Variants in OPCML observed in about 807,000 individuals in gnomAD.
OPCML encodes opioid-binding protein/cell adhesion molecule.
In OPCML, 13 loss-of-function variants were observed where a neutral mutation model predicts 37.8. That is an observed-to-expected ratio of 0.34 (90% CI 0.22 to 0.55). The LOEUF (loss-of-function observed/expected upper bound fraction) is 0.55, where lower values mean the gene tolerates loss of function less well. OPCML is among the 20% of genes least tolerant of loss of function. The pLI, the probability that OPCML is intolerant of heterozygous loss-of-function variation, is 0.91. For missense variants in OPCML, 341 were observed against 435.6 expected (o/e 0.78, Z 1.93); for synonymous variants, 176 against 168.8 (o/e 1.04, Z -0.33).
chr11:132,741,329 C>T (rs967526570), intron 2 of OPCML, among the ~76,000 whole-genome samples: 1 of 152,110 alleles, frequency 6.6e-6, no homozygotes, highest in Admixed American at 6.5e-5. Flanking sequence ...ACTCATATAC[C>T]TGAATCTTTT....
At chr11:133,352,106 G>A (rs374204576) in intron 1 of OPCML, among the ~76,000 whole-genome samples, 33 of 152,206 alleles carry the variant, frequency 2.2e-4, no homozygotes, top group South Asian at 1.5e-3. Context: ...AACTATCACC[G>A]AGGGGAATCT....
intron 3 of OPCML, among the ~76,000 whole-genome samples, chr11:132,604,759 C>G (rs1051214043): frequency 6.6e-6 from 1 of 152,116 alleles, no homozygotes; most frequent in South Asian, 2.1e-4. Context: ...GGAACAACAG[C>G]CTTTTTAATT....
chr11:133,170,647 T>G (rs1288629764), intron 1 of OPCML, among the ~76,000 whole-genome samples: 1 of 151,514 alleles, frequency 6.6e-6, no homozygotes, highest in Non-Finnish European at 1.5e-5. Context: ...TTAGTTTAAA[T>G]GCATGAGACA....
intron 1 of OPCML, among the ~76,000 whole-genome samples, chr11:133,383,930 G>A (rs1304376529): frequency 1.3e-5 from 2 of 152,082 alleles, no homozygotes; most frequent in East Asian, 1.9e-4. Flanking sequence ...AGAGAAGGGT[G>A]CAGGCTTGTC....
chr11:132,556,220 A>G (rs1181220897), intron 3 of OPCML, among the ~76,000 whole-genome samples: 1 of 152,190 alleles, frequency 6.6e-6, no homozygotes, highest in Non-Finnish European at 1.5e-5. Context: ...TGGGATCACA[A>G]GTGTGAGCCA....
intron 1 of OPCML, among the ~76,000 whole-genome samples, chr11:133,334,821 T>C (rs1464906739): frequency 6.6e-6 from 1 of 152,044 alleles, no homozygotes; most frequent in African/African-American, 2.4e-5. Flanking sequence ...TGGATCTCCA[T>C]GGGAGAGGGT....
chr11:132,518,422 G>C (rs892922903), intron 4 of OPCML, among the ~76,000 whole-genome samples: 1 of 152,120 alleles, frequency 6.6e-6, no homozygotes, highest in Non-Finnish European at 1.5e-5. Flanking sequence ...AGGGCTGTAG[G>C]CAATCTGGTC....
intron 4 of OPCML, among the ~76,000 whole-genome samples, chr11:132,495,316 G>A (rs920655055): frequency 1.3e-5 from 2 of 152,104 alleles, no homozygotes; most frequent in Admixed American, 6.6e-5. Flanking sequence ...GAATATTAAC[G>A]TTTTAAAAGA....
intron 4 of OPCML, among the ~76,000 whole-genome samples, chr11:132,488,956 G>A (rs2096208013): frequency 6.6e-6 from 1 of 152,152 alleles, no homozygotes; most frequent in South Asian, 2.1e-4. Context: ...TTTCGAGGGT[G>A]GCTCCAGGAC....
chr11:133,201,951 T>C (rs1421071091), intron 1 of OPCML, among the ~76,000 whole-genome samples: 1 of 152,236 alleles, frequency 6.6e-6, no homozygotes, highest in African/African-American at 2.4e-5. Flanking sequence ...AATCTGGTAT[T>C]GTTCAACGTG....
chr11:133,205,005 A>AATGAG lies in OPCML; in HGVS notation c.62-262000_62-261996dup, dbSNP rs1355575923. Among the ~76,000 whole-genome samples the AATGAG allele has an allele frequency of 6.6e-6, 1 of 150,666 alleles. No individual in the cohort carries two copies. The highest frequency in any genetic ancestry group is 1.5e-5 in the Non-Finnish European group (1 of 67,716). ...AACTGATAGTGTCTTCTTGCAGGCT[A>AATGAG]ATGAGATGCCTGGCAGCTGGGGCCC... On this transcript the variant is annotated intron_variant, in intron 1 of 7. Transcript: ENST00000524381. This position sits in a 1 kb window ranked among gnomAD's most constrained non-coding sequence, Gnocchi z 4.8.
intron 2 of OPCML, among the ~76,000 whole-genome samples, chr11:132,868,648 T>C (rs114089291): frequency 8.9e-4 from 135 of 152,216 alleles, no homozygotes; most frequent in African/African-American, 3.0e-3. Context: ...GAAGACACTC[T>C]AAAGGGCCAT....
At chr11:133,071,442 G>A (rs1194368547) in intron 1 of OPCML, among the ~76,000 whole-genome samples, 11 of 152,176 alleles carry the variant, frequency 7.2e-5, no homozygotes, top group Non-Finnish European at 1.6e-4. Context: ...TTGAGACATA[G>A]TTGTATATTT....
chr11:132,844,947 T>TA (rs33983059), intron 2 of OPCML, among the ~76,000 whole-genome samples: 90,238 of 141,726 alleles, frequency 0.64, 29,209 homozygotes, highest in African/African-American at 0.72. Flanking sequence ...AAAGGAAATG[T>TA]AAAAAAAAAA....
At chr11:133,386,342 AT>A (rs1351793811) in intron 1 of OPCML, among the ~76,000 whole-genome samples, 55 of 152,364 alleles carry the variant, frequency 3.6e-4, no homozygotes, top group African/African-American at 1.3e-3. Context: ...ACTAAAACAA[AT>A]AAATCCACTT....
chr11:133,244,114 G>A (rs573327929), intron 1 of OPCML, among the ~76,000 whole-genome samples: 1 of 152,322 alleles, frequency 6.6e-6, no homozygotes, highest in Admixed American at 6.5e-5. Flanking sequence ...TGGGGCAGGT[G>A]CAATAGCACT....
Position 132,546,512 on chromosome 11 carries a change from A to G in OPCML, c.380-17326T>C, listed in dbSNP as rs1013155565. On this transcript the variant is annotated intron_variant, in intron 3 of 7. Coordinates refer to ENST00000524381, the MANE Select transcript of OPCML (RefSeq NM_001012393.5). Reference sequence around the variant, plus strand: ...CATCCTCATAGCTTAGCTCCCACTTATGAGTGAGAATGTATGATCCAACAT... The same window carrying G: ...CATCCTCATAGCTTAGCTCCCACTTGTGAGTGAGAATGTATGATCCAACAT... Among the ~76,000 whole-genome samples the G allele has an allele frequency of 2.6e-5, 4 of 152,028 alleles. No homozygotes were observed. In the South Asian group the frequency reaches 8.3e-4, roughly 32 times the overall value.
chr11:133,072,549 C>T (rs1948554867), intron 1 of OPCML, among the ~76,000 whole-genome samples: 1 of 152,210 alleles, frequency 6.6e-6, no homozygotes, highest in Non-Finnish European at 1.5e-5. Context: ...CTGCCTTACT[C>T]GCCTCTAGGG....
intron 2 of OPCML, among the ~76,000 whole-genome samples, chr11:132,707,306 T>G (rs891982003): frequency 2.0e-5 from 3 of 152,022 alleles, no homozygotes; most frequent in Admixed American, 6.5e-5. Context: ...ACACATATGC[T>G]CCAGCCTTTC....
Sources: gnomAD v4.1 joint callset for allele counts (sites outside exome capture counted in the v4.1 genomes callset) on GRCh38, gnomAD v4.1.1 for gene constraint, Gnocchi (gnomAD v3.1) non-coding constraint, MANE v1.5 for transcripts, NCBI Gene and HGNC (gene_info 2026-07-23, HGNC 2026-07-21) for gene names.